Variants in SCN3A observed in about 807,000 individuals in gnomAD.
SCN3A encodes sodium channel protein type 3 subunit alpha.
Under a neutral mutation model 187.6 loss-of-function variants are expected in SCN3A, and 60 were observed. The observed-to-expected ratio is 0.32, with a 90% CI of 0.26 to 0.40. The LOEUF (loss-of-function observed/expected upper bound fraction) is 0.40, where lower values mean the gene tolerates loss of function less well. Ranked by LOEUF, SCN3A falls within the 10% of genes least tolerant of loss-of-function variation. The pLI is 1.00. For missense variants in SCN3A, 1,601 were observed against 2,428.2 expected, an observed-to-expected ratio of 0.66 and a Z score of 7.16; for synonymous variants, 788 against 829.2, an observed-to-expected ratio of 0.95 and a Z score of 0.85.
Position 165,139,829 on chromosome 2 carries a change from T to G in SCN3A, c.2020-221A>C, listed in dbSNP as rs2289401. On this transcript the variant is annotated intron_variant, in intron 13 of 27. Transcript: ENST00000283254. ...AGGAATTCACCAGTGGGATGCAGTT[T>G]TATAACACAATTATATTACAGAACT... 160,307 of 543,480 alleles carry G rather than the reference T, an allele frequency of 0.29. 28,525 individuals carry two copies. Among genetic ancestry groups the G allele is most frequent in the East Asian group, 0.73 (22,221 of 30,458 alleles). 33.7% of individuals were successfully genotyped at this position (543,480 alleles called of 1,614,324 possible).
At chr2:165,149,244 C>T (rs766534934) in intron 11 of SCN3A, among the ~76,000 whole-genome samples, 47 of 151,642 alleles carry the variant, frequency 3.1e-4, no homozygotes, top group Non-Finnish European at 4.7e-4. Context: ...GGCATGATCT[C>T]GGCTCACTGC....
At chr2:165,171,456 G>T (rs1214138483) in intron 3 of SCN3A, among the ~76,000 whole-genome samples, 3 of 151,996 alleles carry the variant, frequency 2.0e-5, no homozygotes, top group African/African-American at 4.8e-5. Flanking sequence ...TTATGTCAGA[G>T]GTTCTTAATC....
chr2:165,155,932 C>A, intron 9 of SCN3A, 29 bp from the exon 10 acceptor site: 1 of 1,613,662 alleles, frequency 6.2e-7, no homozygotes, highest in South Asian at 1.1e-5. Flanking sequence ...GAGGTAGGGT[C>A]AGTTTAGAAA....
At chr2:165,177,695 G>A (rs901225523) in intron 2 of SCN3A, among the ~76,000 whole-genome samples, 53 of 152,056 alleles carry the variant, frequency 3.5e-4, no homozygotes, top group African/African-American at 1.3e-3. Flanking sequence ...GCAGACTGAT[G>A]GAGTGGCCCT....
chr2:165,185,919 A>C (rs1034829227), intron 2 of SCN3A, among the ~76,000 whole-genome samples: 7 of 152,122 alleles, frequency 4.6e-5, no homozygotes, highest in African/African-American at 7.2e-5. Context: ...AAGTAAATAC[A>C]GTCCAGGGTA....
intron 4 of SCN3A, among the ~76,000 whole-genome samples, 182 bp from the exon 5 acceptor site, chr2:165,169,007 C>T (rs541494762): frequency 6.6e-6 from 1 of 151,732 alleles, no homozygotes; most frequent in Admixed American, 6.6e-5. Flanking sequence ...CTCTTTTTTT[C>T]ATTTTATACC....
intron 12 of SCN3A, among the ~76,000 whole-genome samples, chr2:165,144,113 C>CA (rs1688185334): frequency 6.6e-6 from 1 of 152,144 alleles, no homozygotes; most frequent in African/African-American, 2.4e-5. Flanking sequence ...TCAGAAGATA[C>CA]ATTTGATTTG....
intron 22 of SCN3A, among the ~76,000 whole-genome samples, chr2:165,099,250 T>C (rs1685494834): frequency 6.6e-6 from 1 of 152,166 alleles, no homozygotes; most frequent in Non-Finnish European, 1.5e-5. Context: ...AAAACTGGCC[T>C]TTGTGCTGAA....
Position 165,131,286 on chromosome 2 carries a change from C to T in SCN3A, c.2523G>A (p.Leu841=), listed in dbSNP as rs1289256473. ...IVSLSLMELG[L]SNVEGLSVLR... is the part of the protein sequence containing the mutation. ...GTACAGACAATCCCTCCACATTTGA[C>T]AGACCAAGCTCCATTAAACTGAGGC... Residue 841 remains leucine, a synonymous_variant, in exon 16 of 28, where the codon CTG becomes CTA. Coordinates refer to ENST00000283254, the MANE Select transcript of SCN3A (RefSeq NM_006922.4). The T allele has an allele frequency of 1.2e-6, 2 of 1,600,324 alleles. No homozygotes were observed. Among genetic ancestry groups the T allele is most frequent in the South Asian group, 1.1e-5 (1 of 89,100 alleles).
At chr2:165,144,147 C>T (rs1013717912) in intron 12 of SCN3A, among the ~76,000 whole-genome samples, 25 of 152,116 alleles carry the variant, frequency 1.6e-4, no homozygotes, top group Non-Finnish European at 3.4e-4. Flanking sequence ...GTCTATCTTA[C>T]GCTTCCTGTC....
Position 165,092,238 on chromosome 2 carries a change from A to G in SCN3A, c.4807+16T>C. 1 of 1,613,032 alleles carries G rather than the reference A, an allele frequency of 6.2e-7. No homozygotes were observed. Among genetic ancestry groups the G allele is most frequent in the South Asian group, 1.1e-5 (1 of 91,054 alleles). On this transcript the variant is annotated intron_variant, in intron 27 of 27. Transcript: ENST00000283254. The surrounding 1 kb of genome is among the most constrained non-coding windows in gnomAD (Gnocchi z 4.2). ...TTCTCTGTAACTATACCTCTTGGTA[A>G]TTAAGCTGTTCTTACCTACAATGGA...
intron 2 of SCN3A, among the ~76,000 whole-genome samples, chr2:165,184,020 T>C (rs1574322808): frequency 6.6e-6 from 1 of 152,126 alleles, no homozygotes; most frequent in African/African-American, 2.4e-5. Flanking sequence ...AAAGACAAGA[T>C]TGACCGATGA....
At chr2:165,161,295 A>G (rs1293318779) in intron 9 of SCN3A, among the ~76,000 whole-genome samples, 1 of 151,918 alleles carries the variant, frequency 6.6e-6, no homozygotes, top group Admixed American at 6.6e-5. Context: ...AAAGGGACAG[A>G]ATATTACTCT....
Position 165,162,721 on chromosome 2 carries a change from G to A in SCN3A, c.802C>T (p.Leu268=). The A allele has an allele frequency of 6.2e-7, 1 of 1,614,134 alleles. No individual in the cohort carries two copies. The highest frequency in any genetic ancestry group is 1.6e-4 in the Middle Eastern group (1 of 6,062). ...LSVFALIGLQ[L]FMGNLRNKCL... is the part of the protein sequence containing the mutation. ...TTATTCCTCAGATTGCCCATGAACA[G>A]CTGCAGCCCAATGAGAGCAAACACG... Residue 268 remains leucine (L), a synonymous_variant, in exon 8 of 28, where the codon CTG becomes TTG. Transcript: ENST00000283254.
rs2105616939 is a variant in SCN3A at position 165,090,393 on chromosome 2, T to C, written c.5760A>G (p.Leu1920=). 6.2e-7 allele frequency: 1 copy of C among 1,613,116 alleles called. No individual in the cohort carries two copies. Among genetic ancestry groups the C allele is most frequent in the Non-Finnish European group, 8.5e-7 (1 of 1,179,180 alleles). Residue 1920 remains leucine, a synonymous_variant, in exon 28 of 28, where the codon TTA becomes TTG. Coordinates refer to ENST00000283254, the MANE Select transcript of SCN3A (RefSeq NM_006922.4). The surrounding 1 kb of genome is among the most constrained non-coding windows in gnomAD (Gnocchi z 4.0). ...TGTTATAGTTACTTGATATATTTTT[T>C]AACCTTTGCTTTAAAAGATAACATC... ...NFRCYLLKQR[L]KNISSNYNKE...
chr2:165,176,732 A>G (rs1168209637), intron 2 of SCN3A, among the ~76,000 whole-genome samples: 1 of 152,168 alleles, frequency 6.6e-6, no homozygotes, highest in Non-Finnish European at 1.5e-5. Flanking sequence ...TTACCTCAAG[A>G]ATATCTATAA....
At chr2:165,154,971 A>G (rs1688929947) in intron 10 of SCN3A, among the ~76,000 whole-genome samples, 2 of 152,150 alleles carry the variant, frequency 1.3e-5, no homozygotes, top group African/African-American at 4.8e-5. Context: ...AGAGCACTGA[A>G]CCTTTAAATC....
At chr2:165,133,295 G>T (rs1330848567) in intron 15 of SCN3A, among the ~76,000 whole-genome samples, 3 of 152,126 alleles carry the variant, frequency 2.0e-5, no homozygotes, top group Non-Finnish European at 2.9e-5. Flanking sequence ...TATACCCAAA[G>T]GACTATAAAT....
rs1352405321 is a variant in SCN3A at position 165,130,325 on chromosome 2, T to A, written c.2566-29A>T. The A allele has an allele frequency of 1.9e-6, 3 of 1,599,470 alleles. No individual in the cohort carries two copies. The African/African-American group carries it at 4.0e-5, about 21-fold the overall frequency. Reference sequence around the variant, plus strand: ...TAATCAAGTGAAAAGATGCTGTTAGTAGTAATCATAATATAATTTTAGACA... The same window carrying A: ...TAATCAAGTGAAAAGATGCTGTTAGAAGTAATCATAATATAATTTTAGACA... On this transcript the variant is annotated intron_variant, in intron 16 of 27. Transcript: ENST00000283254.
Sources: gnomAD v4.1 joint callset for allele counts (sites outside exome capture counted in the v4.1 genomes callset) on GRCh38, gnomAD v4.1.1 for gene constraint, Gnocchi (gnomAD v3.1) non-coding constraint, MANE v1.5 for transcripts, NCBI Gene and HGNC (gene_info 2026-07-23, HGNC 2026-07-21) for gene names.